The following CNKSR2 variants were observed in gnomAD, a reference collection of about 807,000 sequenced individuals.
CNKSR2 encodes CNK homolog protein 2.
A neutral mutation model predicts 84.4 loss-of-function variants in CNKSR2; 14 were observed. That is an observed-to-expected ratio of 0.17 (90% CI 0.11 to 0.26). The LOEUF (loss-of-function observed/expected upper bound fraction) is 0.26, where lower values mean the gene tolerates loss of function less well. Among genes scored for constraint, CNKSR2 ranks in the 10% least tolerant of loss-of-function variants. The pLI, the probability that CNKSR2 is intolerant of heterozygous loss-of-function variation, is 1.00. For missense variants in CNKSR2, 485 were observed against 771.2 expected (o/e 0.63, Z 4.40); for synonymous variants, 275 against 277.9 (o/e 0.99, Z 0.10).
At chrX:21,651,725 A>G (rs1200086539) in intron 21 of CNKSR2, among the ~76,000 whole-genome samples, 5 of 111,542 alleles carry the variant, frequency 4.5e-5, no homozygotes, top group Non-Finnish European at 9.4e-5. Flanking sequence ...TCTTCAGCTG[A>G]GACCCAGCTT....
chrX:21,527,624 A>T (rs16981583), intron 10 of CNKSR2, among the ~76,000 whole-genome samples: 2,171 of 110,806 alleles, frequency 0.02, 50 homozygotes, highest in African/African-American at 0.065. Flanking sequence ...TTATTTGAAA[A>T]TCCTTGCAGA....
At chrX:21,423,737 C>T (rs2090528488) in intron 1 of CNKSR2, 1 of 111,542 alleles carries the variant, frequency 9.0e-6, no homozygotes, top group African/African-American at 3.3e-5. Context: ...AATGCCACTT[C>T]AGATTGAATG....
chrX:21,518,595 T>C (rs983281426), intron 9 of CNKSR2, among the ~76,000 whole-genome samples: 3 of 111,405 alleles, frequency 2.7e-5, no homozygotes, highest in Non-Finnish European at 5.7e-5. Context: ...AGACCAACTT[T>C]TTTGTTACAT....
At chrX:21,485,054 G>A (rs1471450829) in intron 5 of CNKSR2, among the ~76,000 whole-genome samples, 1 of 110,567 alleles carries the variant, frequency 9.0e-6, no homozygotes, top group Non-Finnish European at 1.9e-5. Context: ...GTAGTGGCAG[G>A]TGCCTGTAAT....
chrX:21,644,473 T>C (rs2092701002), intron 20 of CNKSR2: 2 of 112,093 alleles, frequency 1.8e-5, no homozygotes, highest in South Asian at 7.4e-4. Context: ...AGAGTAAAAT[T>C]TTAGGTTGCC....
In CNKSR2 at chrX:21,390,556, C is replaced by T. The variant is rs183064706; in HGVS notation, c.64+15595C>T. ...TCTCATGAGCACTCACTCACTATCA[C>T]GAGAACAGCAAGGGGGAAATCCACC... is the stretch of plus-strand genomic sequence containing the variant. On this transcript the variant is annotated intron_variant, in intron 1 of 21. Coordinates refer to ENST00000379510, the MANE Select transcript of CNKSR2 (RefSeq NM_014927.5). 5.4e-5 allele frequency among the ~76,000 whole-genome samples: 6 copies of T among 111,311 alleles called. No individual in the cohort carries two copies. The East Asian group carries it at 1.7e-3, about 32-fold the overall frequency.
At chrX:21,397,361 CTT>C (rs2090134673) in intron 1 of CNKSR2, among the ~76,000 whole-genome samples, 1 of 111,489 alleles carries the variant, frequency 9.0e-6, no homozygotes, top group African/African-American at 3.3e-5. Context: ...TTTTTTGACA[CTT>C]TAACCCTTAG....
At chrX:21,408,192 T>C (rs1261288542) in intron 1 of CNKSR2, among the ~76,000 whole-genome samples, 1 of 112,194 alleles carries the variant, frequency 8.9e-6, no homozygotes, top group Non-Finnish European at 1.9e-5. Context: ...GCAATTCTTA[T>C]CAACATTAGC....
intron 1 of CNKSR2, among the ~76,000 whole-genome samples, chrX:21,413,915 C>G (rs2090379649): frequency 9.0e-6 from 1 of 110,726 alleles, no homozygotes; most frequent in Non-Finnish European, 1.9e-5. Flanking sequence ...AACTGCAGAA[C>G]TGCAACAAAT....
intron 1 of CNKSR2, among the ~76,000 whole-genome samples, chrX:21,416,369 C>G (rs953026594): frequency 1.2e-4 from 13 of 111,279 alleles, no homozygotes; most frequent in Admixed American, 1.1e-3. Context: ...TTTTTTGCAT[C>G]AATATTCATC....
intron 13 of CNKSR2, among the ~76,000 whole-genome samples, chrX:21,564,197 G>C (rs1033461474): frequency 9.0e-6 from 1 of 111,381 alleles, no homozygotes; most frequent in Non-Finnish European, 1.9e-5. Context: ...GATGGGCCTG[G>C]AGTCATAGGT....
chrX:21,570,049 T>C (rs2092272260), intron 13 of CNKSR2, among the ~76,000 whole-genome samples: 1 of 112,144 alleles, frequency 8.9e-6, no homozygotes, highest in Non-Finnish European at 1.9e-5. Flanking sequence ...ATTTTCAGAA[T>C]GGTAAATGAG....
chrX:21,391,647 G>T (rs184215332), intron 1 of CNKSR2, among the ~76,000 whole-genome samples: 1 of 112,092 alleles, frequency 8.9e-6, no homozygotes, highest in African/African-American at 3.2e-5. Context: ...ACGAGGGGCT[G>T]CTATGAAAGT....
intron 4 of CNKSR2, among the ~76,000 whole-genome samples, chrX:21,453,616 C>T (rs2090962786): frequency 8.9e-6 from 1 of 111,927 alleles, no homozygotes; most frequent in Admixed American, 9.5e-5. Flanking sequence ...AGCCATAGGA[C>T]CTTTTAAGTT....
chrX:21,614,628 T>G (rs1056247862), intron 20 of CNKSR2, among the ~76,000 whole-genome samples: 5 of 111,806 alleles, frequency 4.5e-5, no homozygotes, highest in African/African-American at 1.6e-4. Context: ...AAAATTATTT[T>G]AATATATTGT....
chrX:21,615,904 T>C (rs1393898805), intron 20 of CNKSR2, among the ~76,000 whole-genome samples: 2 of 111,758 alleles, frequency 1.8e-5, no homozygotes, highest in African/African-American at 6.5e-5. Context: ...ACATATTAGC[T>C]GCGTTCTAGG....
At chrX:21,413,832 C>T (rs2090378648) in intron 1 of CNKSR2, among the ~76,000 whole-genome samples, 1 of 111,323 alleles carries the variant, frequency 9.0e-6, no homozygotes. Flanking sequence ...ATATGTACCA[C>T]ATTTTCTTTA....
In CNKSR2 at chrX:21,490,177, T is replaced by G. The variant is rs945403374; in HGVS notation, c.562-282T>G. Reference sequence around the variant, plus strand: ...TCAGATTAAGTTTGTTTAACCATCATTTTTTGTAGGTATGGTAAATCAAAT... The same window carrying G: ...TCAGATTAAGTTTGTTTAACCATCAGTTTTTGTAGGTATGGTAAATCAAAT... On this transcript the variant is annotated intron_variant, in intron 5 of 21. Transcript: ENST00000379510. 5.4e-5 allele frequency among the ~76,000 whole-genome samples: 6 copies of G among 111,708 alleles called. No individual in the cohort carries two copies. In the South Asian group the frequency reaches 1.1e-3, roughly 21 times the overall value.
intron 6 of CNKSR2, among the ~76,000 whole-genome samples, chrX:21,496,026 A>G (rs1340421387): frequency 9.1e-6 from 1 of 110,095 alleles, no homozygotes; most frequent in Non-Finnish European, 1.9e-5. Flanking sequence ...ACAAACCTGT[A>G]TAGCATGTTA....
Sources: allele counts gnomAD v4.1 joint callset (sites outside exome capture counted in the v4.1 genomes callset), GRCh38; gene constraint gnomAD v4.1.1; transcripts MANE v1.5; gene names NCBI Gene and HGNC (gene_info 2026-07-23, HGNC 2026-07-21).